JMJD1C: variants seen among roughly 807,000 people sequenced by gnomAD.
JMJD1C encodes the protein jumonji domain containing 1C.
In JMJD1C, 31 loss-of-function variants were observed where a neutral mutation model predicts 245.3. The observed-to-expected ratio is 0.13, with a 90% CI of 0.09 to 0.17. The LOEUF (loss-of-function observed/expected upper bound fraction) is 0.17, where lower values mean the gene tolerates loss of function less well. Ranked by LOEUF, JMJD1C falls within the 10% of genes least tolerant of loss-of-function variation. The probability of loss-of-function intolerance (pLI) is 1.00; values close to 1 mark genes in which losing one functional copy is unlikely to be tolerated. For missense variants in JMJD1C, 2,691 were observed against 3,000.2 expected (o/e 0.90, Z 2.41); for synonymous variants, 1,057 against 1,017.4 (o/e 1.04, Z -0.74).
intron 2 of JMJD1C, among the ~76,000 whole-genome samples, chr10:63,288,373 A>G (rs955473945): frequency 6.6e-6 from 1 of 152,214 alleles, no homozygotes; most frequent in Non-Finnish European, 1.5e-5. Context: ...AATGTACCAC[A>G]GCTTATTTAC....
chr10:63,247,108 AAACAAAAACAAAAAC>A (rs1246277446), intron 3 of JMJD1C, among the ~76,000 whole-genome samples: 1 of 138,746 alleles, frequency 7.2e-6, no homozygotes, highest in African/African-American at 2.5e-5. Context: ...GAGACAAAAA[AAACAAAAACAAAAAC>A]AAAAAAACAA....
Position 63,214,478 on chromosome 10 carries a change from C to T in JMJD1C, c.1689G>A (p.Gln563=), listed in dbSNP as rs750255083. The change falls in exon 8 of 26, where the codon CAG becomes CAA. Residue 563 remains glutamine, a synonymous_variant. Coordinates refer to ENST00000399262, the MANE Select transcript of JMJD1C (RefSeq NM_032776.3). The part of the protein sequence containing the change: ...FLETAKKDSD[Q]SWVSDVVKVD... ...CTTTAACTACATCACTGACCCAGCT[C>T]TGGTCAGAATCTTTTTTTGCTGTTT... 1.2e-6 allele frequency: 2 copies of T among 1,613,868 alleles called. No homozygotes were observed. Among genetic ancestry groups the T allele is most frequent in the Admixed American group, 1.7e-5 (1 of 60,004 alleles).
In JMJD1C at chr10:63,200,027, G is replaced by C. The variant is rs1041413318; in HGVS notation, c.5276+449C>G. 4.6e-5 allele frequency among the ~76,000 whole-genome samples: 7 copies of C among 152,272 alleles called. No homozygotes were observed. In the East Asian group the frequency reaches 1.3e-3, roughly 29 times the overall value. On this transcript the variant is annotated intron_variant, in intron 11 of 25. Transcript: ENST00000399262. Reference sequence around the variant, plus strand: ...ACTCACACAGGAACTAAGAGACAGAGATGGAATTCACAACTAGAAATGACT... The same window carrying C: ...ACTCACACAGGAACTAAGAGACAGACATGGAATTCACAACTAGAAATGACT...
At chr10:63,280,482 G>A (rs543190772) in intron 2 of JMJD1C, among the ~76,000 whole-genome samples, 5 of 152,168 alleles carry the variant, frequency 3.3e-5, no homozygotes, top group African/African-American at 1.2e-4. Context: ...CCCAGGAAGC[G>A]GAGGTTGCAG....
At chr10:63,293,790 T>A (rs1859051708) in intron 2 of JMJD1C, among the ~76,000 whole-genome samples, 1 of 22,056 alleles carries the variant, frequency 4.5e-5, no homozygotes, top group African/African-American at 6.6e-5. Context: ...ATTTCTCTAA[T>A]TTTTTTTTTC....
At position 63,217,275 on chromosome 10, in the gene JMJD1C, G is replaced by A; in HGVS notation, c.610C>T (p.Gln204Ter). The change falls in exon 5 of 26, where the codon CAG becomes TAG. Residue 204 changes from glutamine to a stop codon, truncating the protein, a stop_gained. Coordinates refer to ENST00000399262, the MANE Select transcript of JMJD1C (RefSeq NM_032776.3). LOFTEE classifies it high-confidence loss of function. ...VRVYRQDSATQWFTGIITHHD... is the reference protein window; with the variant it reads ...VRVYRQDSAT ...TGAGTAATTATGCCAGTAAACCACT[G>A]GGTGGCAGAGTCTTGTCTATATACT... The A allele has an allele frequency of 3.1e-6, 5 of 1,610,928 alleles. No homozygotes were observed. The highest frequency in any genetic ancestry group is 3.4e-6 in the Non-Finnish European group (4 of 1,177,560).
chr10:63,362,906 G>A (rs1001519557), intron 2 of JMJD1C, among the ~76,000 whole-genome samples: 1 of 152,158 alleles, frequency 6.6e-6, no homozygotes, highest in Non-Finnish European at 1.5e-5. Flanking sequence ...CTTTGTGAGT[G>A]AGAGTGGCTT....
chr10:63,264,790 T>G (rs758124948), intron 2 of JMJD1C, 26 bp from the exon 3 acceptor site: 2 of 1,116,236 alleles, frequency 1.8e-6, no homozygotes, highest in South Asian at 2.7e-5. Context: ...AAATTTCTAA[T>G]GATAATTTTC....
At chr10:63,287,808 G>C (rs1564737532) in intron 2 of JMJD1C, among the ~76,000 whole-genome samples, 1 of 151,910 alleles carries the variant, frequency 6.6e-6, no homozygotes, top group Non-Finnish European at 1.5e-5. Flanking sequence ...GAGTGCAATG[G>C]TACGGTCTTG....
chr10:63,393,746 T>C (rs1189480246), intron 1 of JMJD1C, among the ~76,000 whole-genome samples: 3 of 152,118 alleles, frequency 2.0e-5, no homozygotes, highest in African/African-American at 7.2e-5. Flanking sequence ...AATGGAGAAA[T>C]GTGGAATTTA....
chr10:63,481,725 A>G (rs991934218), intron 1 of JMJD1C, among the ~76,000 whole-genome samples: 1 of 152,218 alleles, frequency 6.6e-6, no homozygotes, highest in Non-Finnish European at 1.5e-5. Context: ...TATTCAGACC[A>G]TTTTGAGGAC....
chr10:63,398,047 C>A (rs1292106056), intron 1 of JMJD1C, among the ~76,000 whole-genome samples: 1 of 152,164 alleles, frequency 6.6e-6, no homozygotes, highest in Non-Finnish European at 1.5e-5. Context: ...CATCATCCAG[C>A]TTCAACAATT....
intron 1 of JMJD1C, among the ~76,000 whole-genome samples, chr10:63,428,955 G>C (rs371879878): frequency 4.6e-5 from 7 of 152,102 alleles, no homozygotes; most frequent in Non-Finnish European, 8.8e-5. Flanking sequence ...TCTTCAGGCT[G>C]TCCATTCCTT....
chr10:63,237,106 C>T (rs1332015144), intron 3 of JMJD1C, among the ~76,000 whole-genome samples: 1 of 152,146 alleles, frequency 6.6e-6, no homozygotes, highest in Non-Finnish European at 1.5e-5. Context: ...GGCGCAATCT[C>T]GGCCCACTGC....
At chr10:63,385,129 G>A (rs1263189181) in intron 1 of JMJD1C, among the ~76,000 whole-genome samples, 2 of 152,128 alleles carry the variant, frequency 1.3e-5, no homozygotes, top group African/African-American at 2.4e-5. Flanking sequence ...GGGAATGGCT[G>A]GTTAGTGGAG....
At chr10:63,241,409 G>A (rs1333110009) in intron 3 of JMJD1C, among the ~76,000 whole-genome samples, 1 of 152,056 alleles carries the variant, frequency 6.6e-6, no homozygotes, top group African/African-American at 2.4e-5. Flanking sequence ...ATGCTACATG[G>A]AAGCACATTT....
At chr10:63,266,205 G>A (rs1197872203) in intron 2 of JMJD1C, among the ~76,000 whole-genome samples, 1 of 151,988 alleles carries the variant, frequency 6.6e-6, no homozygotes, top group Non-Finnish European at 1.5e-5. Flanking sequence ...AGAAAATCTA[G>A]TCACAGTAAT....
At chr10:63,303,090 T>C (rs900901893) in intron 2 of JMJD1C, among the ~76,000 whole-genome samples, 2 of 151,668 alleles carry the variant, frequency 1.3e-5, no homozygotes, top group Middle Eastern at 6.8e-3. Context: ...AGGAAAAAAA[T>C]TGTGTTGTAA....
rs35050584 is a variant in JMJD1C, at chr10:63,402,133, C to CA, written c.169-21652dup. On this transcript the variant is annotated intron_variant, in intron 1 of 25. Coordinates refer to ENST00000399262, the MANE Select transcript of JMJD1C (RefSeq NM_032776.3). ...TGGGCAACAAGAGCAAACTCCGTCT[C>CA]AAAAAAAAAGAAAAAAAAACAAAAA... is the stretch of plus-strand genomic sequence containing the variant. Among the ~76,000 whole-genome samples, 258 of 83,518 alleles carry CA rather than the reference C, an allele frequency of 3.1e-3. 4 individuals carry two copies. The highest frequency in any genetic ancestry group is 5.7e-3 in the Non-Finnish European group (211 of 37,124). 54.8% of individuals were successfully genotyped at this position (83,518 alleles called of 152,430 possible). A position where few individuals can be genotyped will look rare whatever the true frequency, so the allele number is the denominator to read the frequency against.
Sources: gnomAD v4.1 joint callset for allele counts (sites outside exome capture counted in the v4.1 genomes callset) on GRCh38, gnomAD v4.1.1 for gene constraint, MANE v1.5 for transcripts, NCBI Gene and HGNC (gene_info 2026-07-23, HGNC 2026-07-21) for gene names.